The following SWSAP1 variants were observed in gnomAD, a reference collection of about 807,000 sequenced individuals.
SWSAP1 encodes the protein ATPase SWSAP1.
SWSAP1 carries 4 observed loss-of-function variants against 5.6 expected under a neutral mutation model. The observed-to-expected ratio is 0.72, with a 90% CI of 0.35 to 1.64. The LOEUF (loss-of-function observed/expected upper bound fraction) is 1.64. Ranked by LOEUF, SWSAP1 falls within the 40% of genes most tolerant of loss-of-function variation. The pLI is 0.05. For synonymous variants in SWSAP1, 139 were observed against 143.3 expected, an observed-to-expected ratio of 0.97 and a Z score of 0.22; for missense variants, 354 against 319.8, an observed-to-expected ratio of 1.11 and a Z score of -0.82.
At chr19:11,375,032 C>A in intron 1 of SWSAP1, 103 bp downstream of exon 1, 1 of 1,458,486 alleles carries the variant, frequency 6.9e-7, no homozygotes, top group Admixed American at 2.1e-5. Context: ...GGTGGAAGAG[C>A]GAGCCAGGGC....
Position 11,375,682 on chromosome 19 carries a change from T to C in SWSAP1, c.419T>C (p.Leu140Pro). The change falls in exon 2 of 2, where the codon CTA becomes CCA. Residue 140 changes from leucine to proline, a missense_variant. Leu to Pro is a moderately conservative substitution (Grantham distance 98). Transcript: ENST00000674460. Reference sequence around the variant, plus strand: ...GCCGCCTACCTCATTGCCTTACTTCTAGACACAGCTGCCCACTTCAGCCAC... The same window carrying C: ...GCCGCCTACCTCATTGCCTTACTTCCAGACACAGCTGCCCACTTCAGCCAC... ...QEAAYLIALL[L>P]DTAAHFSHRL... is the part of the protein sequence containing the mutation. The C allele has an allele frequency of 6.2e-7, 1 of 1,614,228 alleles. No homozygotes were observed. Among genetic ancestry groups the C allele is most frequent in the Non-Finnish European group, 8.5e-7 (1 of 1,180,048 alleles).
rs1421294109 is a variant in SWSAP1 at position 11,374,751 on chromosome 19, C to T, written c.71C>T (p.Ala24Val). The change falls in exon 1 of 2, where the codon GCC becomes GTC. Residue 24 changes from alanine to valine, a missense_variant. Physicochemically the swap from Ala to Val is moderately conservative, Grantham distance 64. Transcript: ENST00000674460. ...AAWSGEENMP[A>V]AGPPLLLLGT... ...TGGTCCGGGGAGGAGAACATGCCTG[C>T]CGCCGGACCGCCTTTGCTGCTGCTC... is the stretch of plus-strand genomic sequence containing the variant. The T allele has an allele frequency of 1.2e-6, 2 of 1,609,786 alleles. No homozygotes were observed. The highest frequency in any genetic ancestry group is 1.9e-4 in the Middle Eastern group (1 of 5,224).
chr19:11,374,972 G>A (rs1968259926), intron 1 of SWSAP1, 43 bp downstream of exon 1: 5 of 1,602,924 alleles, frequency 3.1e-6, no homozygotes, highest in Non-Finnish European at 3.4e-6. Context: ...GCCAATGGTG[G>A]AGTAGATCCG....
At position 11,374,745 on chromosome 19, in the gene SWSAP1, T is replaced by A; in HGVS notation, c.65T>A (p.Met22Lys). 1.2e-5 allele frequency: 20 copies of A among 1,609,292 alleles called. No homozygotes were observed. The highest frequency in any genetic ancestry group is 1.7e-5 in the Non-Finnish European group (20 of 1,178,760). ...GGAAWSGEEN[M>K]PAAGPPLLLL... ...GCGGCCTGGTCCGGGGAGGAGAACA[T>A]GCCTGCCGCCGGACCGCCTTTGCTG... The change falls in exon 1 of 2, where the codon ATG becomes AAG. Residue 22 changes from methionine to lysine, a missense_variant. Met to Lys is a moderately conservative substitution (Grantham distance 95, BLOSUM62 -1). Coordinates refer to ENST00000674460, the MANE Select transcript of SWSAP1 (RefSeq NM_175871.4).
chr19:11,375,881 G>T lies in SWSAP1; in HGVS notation c.618G>T (p.Glu206Asp). The T allele has an allele frequency of 6.2e-7, 1 of 1,614,156 alleles. No homozygotes were observed. The highest frequency in any genetic ancestry group is 1.1e-5 in the South Asian group (1 of 91,082). The change falls in exon 2 of 2, where the codon GAG becomes GAT. Residue 206 changes from glutamate (E) to aspartate (D), a missense_variant. Physicochemically the swap from Glu to Asp is conservative, Grantham distance 45 (BLOSUM62 2). Transcript: ENST00000674460. ...AGCACGGCCTCCGAGCCTGCCTGGA[G>T]CCAGGCGGGCTGGGCCCCAGAACAG... ...PGEHGLRACLEPGGLGPRTEW... is the reference protein window; with the variant it reads ...PGEHGLRACLDPGGLGPRTEW...
rs1968256959 is a variant in SWSAP1, at chr19:11,374,834, G to C, written c.154G>C (p.Gly52Arg). ...ATTTGCTGCGGCCCTAGAGGCGGCG[G>C]GGGAGGGCCAAGGCCCAGTCCTCTT... Reference protein sequence around the residue: ...LLFAAALEAAGEGQGPVLFLT... With the variant: ...LLFAAALEAAREGQGPVLFLT... Residue 52 changes from glycine to arginine, a missense_variant, in exon 1 of 2, where the codon GGG (glycine) becomes CGG (arginine). By Grantham distance (125) the Gly-to-Arg change is moderately radical (BLOSUM62 -2). Transcript: ENST00000674460. 1 of 1,613,954 alleles carries C rather than the reference G, an allele frequency of 6.2e-7. No homozygotes were observed. The highest frequency in any genetic ancestry group is 8.5e-7 in the Non-Finnish European group (1 of 1,179,940).
intron 1 of SWSAP1, 119 bp downstream of exon 1, chr19:11,375,048 C>A: frequency 1.5e-6 from 2 of 1,326,498 alleles, no homozygotes; most frequent in Non-Finnish European, 2.1e-6. Flanking sequence ...AGGGCAGCCA[C>A]GATGGGGCGG....
intron 1 of SWSAP1, among the ~76,000 whole-genome samples, chr19:11,375,153 G>T (rs1421247435): frequency 6.6e-6 from 1 of 152,114 alleles, no homozygotes; most frequent in Non-Finnish European, 1.5e-5. Context: ...AGCAAGAGGC[G>T]GTGCCCAGAG....
Position 11,375,953 on chromosome 19 carries a change from G to A in SWSAP1, c.690G>A (p.Pro230=). ...CAGATGGAGAAATGATGATCGCTCC[G>A]TGGCCCACCCAGGCTGGTGACCCCA... ...FRSDGEMMIA[P]WPTQAGDPSS... The change falls in exon 2 of 2, where the codon CCG becomes CCA. Residue 230 remains proline (P), a synonymous_variant. Transcript: ENST00000674460. The A allele has an allele frequency of 1.1e-5, 17 of 1,613,058 alleles. No homozygotes were observed. The highest frequency in any genetic ancestry group is 1.4e-5 in the Non-Finnish European group (16 of 1,179,826).
Position 11,374,883 on chromosome 19 carries a change from G to C in SWSAP1, c.203G>C (p.Ser68Thr). ...TTCCTGACACGAAGGCCTCTTCAAAGCATGCCCCGCGGGACCGGAACGACT... is the reference window on the plus strand; with the variant it reads ...TTCCTGACACGAAGGCCTCTTCAAACCATGCCCCGCGGGACCGGAACGACT... ...VLFLTRRPLQ[S>T]MPRGTGTTLD... The change falls in exon 1 of 2, where the codon AGC becomes ACC. Residue 68 changes from serine (S) to threonine (T), a missense_variant. Ser to Thr is a moderately conservative substitution (Grantham distance 58). Transcript: ENST00000674460. 1 of 1,613,930 alleles carries C rather than the reference G, an allele frequency of 6.2e-7. No individual in the cohort carries two copies. The highest frequency in any genetic ancestry group is 8.5e-7 in the Non-Finnish European group (1 of 1,180,004).
In SWSAP1 at chr19:11,375,753, AC is replaced by A. The variant is rs1968270548; in HGVS notation, c.493del (p.Gln165ArgfsTer54). 1 of 1,613,988 alleles carries A rather than the reference AC, an allele frequency of 6.2e-7. No homozygotes were observed. Among genetic ancestry groups the A allele is most frequent in the Admixed American group, 1.7e-5 (1 of 59,992 alleles). On this transcript the variant is annotated frameshift_variant, in exon 2 of 2. Transcript: ENST00000674460. LOFTEE classifies it low-confidence loss of function (END_TRUNC). ...TTGTGGGCTCATGGTGGCCCTCCAG[AC>A]CCAGGAGGAAGCAGGTAGTGGGGAC... ...RDCGLMVALQ[T>X]QEEAGSGDVL...
Position 11,375,871 on chromosome 19 carries a change from C to G in SWSAP1, c.608C>G (p.Ala203Gly). 1 of 1,614,130 alleles carries G rather than the reference C, an allele frequency of 6.2e-7. No homozygotes were observed. ...GGTCCAGGAGAGCACGGCCTCCGAG[C>G]CTGCCTGGAGCCAGGCGGGCTGGGC... Reference protein sequence around the residue: ...APGPGEHGLRACLEPGGLGPR... With the variant: ...APGPGEHGLRGCLEPGGLGPR... The change falls in exon 2 of 2, where the codon GCC (alanine) becomes GGC (glycine). Residue 203 changes from alanine to glycine, a missense_variant. Coordinates refer to ENST00000674460, the MANE Select transcript of SWSAP1 (RefSeq NM_175871.4).
Position 11,376,037 on chromosome 19 carries a change from C to T in SWSAP1, c.*21C>T, listed in dbSNP as rs753415516. On this transcript the variant is annotated 3_prime_UTR_variant, in exon 2 of 2. Coordinates refer to ENST00000674460, the MANE Select transcript of SWSAP1 (RefSeq NM_175871.4). ...CCTGAGCTTTGGTGGGTGACTACCT[C>T]TCTGTGCTTCAGTTTCCCATGGCTG... is the stretch of plus-strand genomic sequence containing the variant. 1 of 1,555,100 alleles carries T rather than the reference C, an allele frequency of 6.4e-7. No homozygotes were observed. Among genetic ancestry groups the T allele is most frequent in the East Asian group, 2.3e-5 (1 of 43,814 alleles).
chr19:11,376,160 A>G lies in SWSAP1; in HGVS notation c.*144A>G. The G allele has an allele frequency of 1.3e-6, 1 of 789,198 alleles. No homozygotes were observed. The highest frequency in any genetic ancestry group is 1.9e-6 in the Non-Finnish European group (1 of 515,806). The allele number at this position is 789,198 out of a possible 1,614,324, so 48.9% of individuals were successfully genotyped here. A position where few individuals can be genotyped will look rare whatever the true frequency, so the allele number is the denominator to read the frequency against. Reference sequence around the variant, plus strand: ...TATAGCATTATCTTGTATATATTTTACCCAATCAATATGTTGTTTATAGTT... The same window carrying G: ...TATAGCATTATCTTGTATATATTTTGCCCAATCAATATGTTGTTTATAGTT... On this transcript the variant is annotated 3_prime_UTR_variant, in exon 2 of 2. Coordinates refer to ENST00000674460, the MANE Select transcript of SWSAP1 (RefSeq NM_175871.4).
At position 11,375,428 on chromosome 19, in the gene SWSAP1, A is replaced by G. The variant is rs868390710; in HGVS notation, c.250-85A>G. 47 of 1,520,802 alleles carry G rather than the reference A, an allele frequency of 3.1e-5. No individual in the cohort carries two copies. The African/African-American group carries it at 5.6e-4, about 18-fold the overall frequency. The allele number at this position is 1,520,802 out of a possible 1,614,324, so 94.2% of individuals were successfully genotyped here. A position where few individuals can be genotyped will look rare whatever the true frequency, so the allele number is the denominator to read the frequency against. On this transcript the variant is annotated intron_variant, in intron 1 of 1. Transcript: ENST00000674460. ...GAACTGGTTCATCCTGGAACCAAGGAAAGTATGCAAGGAGGCAGGGTTACT... is the reference window on the plus strand; with the variant it reads ...GAACTGGTTCATCCTGGAACCAAGGGAAGTATGCAAGGAGGCAGGGTTACT...
intron 1 of SWSAP1, 82 bp downstream of exon 1, chr19:11,375,011 A>G (rs1444381610): frequency 1.3e-6 from 2 of 1,560,802 alleles, no homozygotes; most frequent in African/African-American, 1.4e-5. Context: ...AGACAAGCCA[A>G]TGGAGAGGAC....
chr19:11,374,760 C>T lies in SWSAP1; in HGVS notation c.80C>T (p.Pro27Leu). ...GAGGAGAACATGCCTGCCGCCGGAC[C>T]GCCTTTGCTGCTGCTCGGTACACCA... ...SGEENMPAAGPPLLLLGTPGS... is the reference protein window; with the variant it reads ...SGEENMPAAGLPLLLLGTPGS... Residue 27 changes from proline to leucine, a missense_variant, in exon 1 of 2, where the codon CCG becomes CTG. Physicochemically the swap from Pro to Leu is moderately conservative, Grantham distance 98. Coordinates refer to ENST00000674460, the MANE Select transcript of SWSAP1 (RefSeq NM_175871.4). 6.2e-7 allele frequency: 1 copy of T among 1,610,918 alleles called. No homozygotes were observed. The highest frequency in any genetic ancestry group is 8.5e-7 in the Non-Finnish European group (1 of 1,179,186).
rs556795158 is a variant in SWSAP1 at position 11,374,868 on chromosome 19, G to A, written c.188G>A (p.Arg63Gln). ...CAAGGCCCAGTCCTCTTCCTGACACGAAGGCCTCTTCAAAGCATGCCCCGC... is the reference window on the plus strand; with the variant it reads ...CAAGGCCCAGTCCTCTTCCTGACACAAAGGCCTCTTCAAAGCATGCCCCGC... ...EGQGPVLFLTRRPLQSMPRGT... is the reference protein window; with the variant it reads ...EGQGPVLFLTQRPLQSMPRGT... The change falls in exon 1 of 2, where the codon CGA becomes CAA. Residue 63 changes from arginine (R) to glutamine (Q), a missense_variant. Physicochemically the swap from Arg to Gln is conservative, Grantham distance 43 (BLOSUM62 1). Coordinates refer to ENST00000674460, the MANE Select transcript of SWSAP1 (RefSeq NM_175871.4). 16 of 1,613,776 alleles carry A rather than the reference G, an allele frequency of 9.9e-6. No individual in the cohort carries two copies. In the African/African-American group the frequency reaches 1.5e-4, roughly 15 times the overall value.
chr19:11,375,914 G>C lies in SWSAP1; in HGVS notation c.651G>C (p.Trp217Cys). ...PGGLGPRTEW[W>C]VTFRSDGEMM... is the part of the protein sequence containing the mutation. ...GGCTGGGCCCCAGAACAGAGTGGTGGGTGACTTTCCGATCAGATGGAGAAA... is the reference window on the plus strand; with the variant it reads ...GGCTGGGCCCCAGAACAGAGTGGTGCGTGACTTTCCGATCAGATGGAGAAA... The change falls in exon 2 of 2, where the codon TGG (tryptophan) becomes TGC (cysteine). Residue 217 changes from tryptophan to cysteine, a missense_variant. Physicochemically the swap from Trp to Cys is radical, Grantham distance 215. Coordinates refer to ENST00000674460, the MANE Select transcript of SWSAP1 (RefSeq NM_175871.4). The C allele has an allele frequency of 6.2e-7, 1 of 1,613,970 alleles. No individual in the cohort carries two copies. The highest frequency in any genetic ancestry group is 8.5e-7 in the Non-Finnish European group (1 of 1,180,006).
Sources: allele counts gnomAD v4.1 joint callset (sites outside exome capture counted in the v4.1 genomes callset), GRCh38; gene constraint gnomAD v4.1.1; transcripts MANE v1.5; gene names NCBI Gene and HGNC (gene_info 2026-07-23, HGNC 2026-07-21).